The following CCDC7 variants were observed in gnomAD, a reference collection of about 807,000 sequenced individuals.
CCDC7 encodes coiled-coil domain-containing protein 7.
In CCDC7, 183 loss-of-function variants were observed where a neutral mutation model predicts 196.9. The observed-to-expected ratio is 0.93, with a 90% CI of 0.82 to 1.05. The LOEUF is 1.05. Ranked by LOEUF, CCDC7 falls within the 50% of genes least tolerant of loss-of-function variation. CCDC7 has a pLI of 0.00. For synonymous variants in CCDC7, 525 were observed against 484.6 expected (o/e 1.08, Z -1.10); for missense variants, 1,540 against 1,482.2 (o/e 1.04, Z -0.64).
At chr10:32,509,323 C>A (rs1425872167) in intron 9 of CCDC7, among the ~76,000 whole-genome samples, 1 of 152,034 alleles carries the variant, frequency 6.6e-6, no homozygotes, top group Non-Finnish European at 1.5e-5. Flanking sequence ...GTATCTCCAA[C>A]AAATGATACT....
intron 18 of CCDC7, among the ~76,000 whole-genome samples, chr10:32,617,406 T>G (rs1009699186): frequency 6.6e-6 from 1 of 151,790 alleles, no homozygotes; most frequent in African/African-American, 2.4e-5. Context: ...GTCTTTCTAC[T>G]TTTTTGTTGT....
intron 41 of CCDC7, among the ~76,000 whole-genome samples, chr10:32,863,085 A>G (rs2094066279): frequency 6.6e-6 from 1 of 152,040 alleles, no homozygotes; most frequent in East Asian, 1.9e-4. Context: ...CAAAGCAATA[A>G]TACAGACTTA....
At chr10:32,870,607 G>C (rs971918677) in intron 41 of CCDC7, among the ~76,000 whole-genome samples, 5 of 151,974 alleles carry the variant, frequency 3.3e-5, no homozygotes, top group African/African-American at 1.2e-4. Context: ...CTGCCTGATT[G>C]CCCTGGCCAG....
intron 24 of CCDC7, among the ~76,000 whole-genome samples, chr10:32,702,406 C>T (rs2078914472): frequency 1.3e-5 from 2 of 152,108 alleles, no homozygotes; most frequent in South Asian, 4.1e-4. Flanking sequence ...AATTTCTTTG[C>T]TTTTACATTT....
At chr10:32,457,550 A>G (rs2034629276) in intron 3 of CCDC7, among the ~76,000 whole-genome samples, 1 of 152,192 alleles carries the variant, frequency 6.6e-6, no homozygotes, top group Non-Finnish European at 1.5e-5. Context: ...TACACCCAGT[A>G]GTGGAATTGC....
intron 31 of CCDC7, among the ~76,000 whole-genome samples, chr10:32,821,264 A>G (rs971839911): frequency 6.6e-6 from 1 of 152,220 alleles, no homozygotes; most frequent in African/African-American, 2.4e-5. Flanking sequence ...ACAATGAGAT[A>G]CCATCTCACA....
exon 7 of CCDC7, chr10:32,472,488 G>A (rs1057309146): frequency 6.3e-7 from 1 of 1,582,434 alleles, no homozygotes; most frequent in Non-Finnish European, 8.6e-7. Context: ...CAGGGATAAA[G>A]AAAATCGACC....
intron 26 of CCDC7, among the ~76,000 whole-genome samples, chr10:32,728,336 T>C (rs2083424416): frequency 6.6e-6 from 1 of 152,176 alleles, no homozygotes; most frequent in African/African-American, 2.4e-5. Context: ...CTGTCTATCA[T>C]TGCCTGGTAG....
At position 32,628,202 on chromosome 10, in the gene CCDC7, G is replaced by A. The variant is rs142038700; in HGVS notation, c.1802-6052G>A. 2.0e-3 allele frequency among the ~76,000 whole-genome samples: 297 copies of A among 151,938 alleles called. 3 individuals are homozygous for A. Among genetic ancestry groups the A allele is most frequent in the African/African-American group, 6.8e-3 (283 of 41,480 alleles). ...GACTTAATCTCGTTACTAATTATTG[G>A]TCTGTTCAGATTTTCTACTGTTCAG... On this transcript the variant is annotated intron_variant, in intron 18 of 41. Transcript: ENST00000639629.
chr10:32,660,188 A>G (rs184985045), intron 20 of CCDC7, among the ~76,000 whole-genome samples: 4,071 of 147,734 alleles, frequency 0.028, 208 homozygotes, highest in African/African-American at 0.097. Context: ...GGTTAGTTAC[A>G]TATGTATACA....
At chr10:32,868,303 A>G (rs1188513561) in intron 41 of CCDC7, among the ~76,000 whole-genome samples, 1 of 151,884 alleles carries the variant, frequency 6.6e-6, no homozygotes, top group Admixed American at 6.6e-5. Flanking sequence ...TCATGTGGTA[A>G]TTCTATTGTT....
chr10:32,600,687 C>T (rs193137442), intron 18 of CCDC7, among the ~76,000 whole-genome samples: 1 of 152,066 alleles, frequency 6.6e-6, no homozygotes, highest in Non-Finnish European at 1.5e-5. Context: ...ATATTGCATA[C>T]CCAATAATGG....
At chr10:32,716,817 G>A (rs189492232) in intron 25 of CCDC7, among the ~76,000 whole-genome samples, 38 of 152,244 alleles carry the variant, frequency 2.5e-4, no homozygotes, top group Middle Eastern at 3.4e-3. Context: ...TTACATAATG[G>A]CAAAGGGATC....
Position 32,701,563 on chromosome 10 carries a change from T to C in CCDC7, c.2458+6571T>C, listed in dbSNP as rs2078730032. On this transcript the variant is annotated intron_variant, in intron 24 of 41. Coordinates refer to ENST00000639629, the Ensembl canonical transcript of CCDC7. ...AGTTAGGGAGGATTCCCTCTTTTTCTATTGATTGGAATAGTTTGAGAAGGA... is the reference window on the plus strand; with the variant it reads ...AGTTAGGGAGGATTCCCTCTTTTTCCATTGATTGGAATAGTTTGAGAAGGA... Among the ~76,000 whole-genome samples, 3 of 152,356 alleles carry C rather than the reference T, an allele frequency of 2.0e-5. 1 individual carries two copies. The South Asian group carries it at 6.2e-4, about 32-fold the overall frequency.
At chr10:32,845,550 T>G in exon 35 of CCDC7, 1 of 1,609,628 alleles carries the variant, frequency 6.2e-7, no homozygotes, top group Non-Finnish European at 8.5e-7. Flanking sequence ...TAGAGACTGA[T>G]AAGAACTTCT....
chr10:32,602,018 C>G (rs2061082809), intron 18 of CCDC7, among the ~76,000 whole-genome samples: 1 of 152,146 alleles, frequency 6.6e-6, no homozygotes, highest in African/African-American at 2.4e-5. Flanking sequence ...TCCCCTTCCA[C>G]ACTGTGGAAG....
chr10:32,691,067 C>T, intron 23 of CCDC7, among the ~76,000 whole-genome samples: 1 of 152,208 alleles, frequency 6.6e-6, no homozygotes, highest in Non-Finnish European at 1.5e-5. Flanking sequence ...CCCACCTTCC[C>T]TTTAAATTCT....
chr10:32,642,844 G>C (rs1591016825), intron 20 of CCDC7, among the ~76,000 whole-genome samples: 4 of 152,136 alleles, frequency 2.6e-5, no homozygotes, highest in Non-Finnish European at 5.9e-5. Flanking sequence ...TTGTATCCTA[G>C]AGTATGGATG....
intron 18 of CCDC7, among the ~76,000 whole-genome samples, chr10:32,615,540 G>A (rs1181862732): frequency 6.6e-6 from 1 of 151,704 alleles, no homozygotes; most frequent in African/African-American, 2.4e-5. Flanking sequence ...TCTTTGTTAA[G>A]CTGTTTGAGT....
Sources: gnomAD v4.1 joint callset for allele counts (sites outside exome capture counted in the v4.1 genomes callset) on GRCh38, gnomAD v4.1.1 for gene constraint, MANE v1.5 for transcripts, NCBI Gene and HGNC (gene_info 2026-07-23, HGNC 2026-07-21) for gene names.